Variants in SBF2 observed in about 807,000 individuals in gnomAD.
The protein encoded by SBF2 is SET binding factor 2.
In SBF2, 112 loss-of-function variants were observed where a neutral mutation model predicts 225.2. The observed-to-expected ratio is 0.50, with a 90% CI of 0.43 to 0.58. The LOEUF is 0.58. Ranked by LOEUF, SBF2 falls within the 20% of genes least tolerant of loss-of-function variation. The pLI is 0.00. For synonymous variants in SBF2, 763 were observed against 773.3 expected (o/e 0.99, Z 0.22); for missense variants, 1,996 against 2,206.2 (o/e 0.90, Z 1.91).
intron 1 of SBF2, among the ~76,000 whole-genome samples, chr11:10,223,092 C>T (rs1958398860): frequency 6.6e-6 from 1 of 151,906 alleles, no homozygotes; most frequent in Non-Finnish European, 1.5e-5. Flanking sequence ...TAAAAAGTAA[C>T]TCAGTAGAAA....
intron 21 of SBF2, among the ~76,000 whole-genome samples, chr11:9,851,135 C>CAAAAAAAA (rs773210379): frequency 5.5e-5 from 4 of 72,462 alleles, no homozygotes; most frequent in Non-Finnish European, 1.1e-4. Context: ...GACTCCATCT[C>CAAAAAAAA]AAAAAAAAAA....
chr11:9,962,158 C>G, intron 15 of SBF2, 52 bp from the exon 16 acceptor site: 2 of 1,543,302 alleles, frequency 1.3e-6, no homozygotes, highest in African/African-American at 1.4e-5. Flanking sequence ...GGGGAAACAA[C>G]AACTTTCAAA....
intron 13 of SBF2, among the ~76,000 whole-genome samples, chr11:9,987,319 T>C (rs1704158509): frequency 6.6e-6 from 1 of 152,108 alleles, no homozygotes; most frequent in South Asian, 2.1e-4. Context: ...GTCACCATAA[T>C]ACTGAATTGG....
upstream of SBF2, among the ~76,000 whole-genome samples, chr11:10,297,309 C>T (rs1315718664): frequency 6.6e-6 from 1 of 152,090 alleles, no homozygotes; most frequent in Non-Finnish European, 1.5e-5. Flanking sequence ...ATCCTCCCAC[C>T]TAGCCCTCCC....
chr11:9,963,347 C>A (rs1866701049), intron 15 of SBF2, among the ~76,000 whole-genome samples: 2 of 152,088 alleles, frequency 1.3e-5, no homozygotes, highest in Non-Finnish European at 2.9e-5. Flanking sequence ...TGCCTGTAGT[C>A]CCAGCTACTT....
chr11:10,179,959 T>G (rs559060463), intron 2 of SBF2, among the ~76,000 whole-genome samples: 5 of 152,310 alleles, frequency 3.3e-5, no homozygotes, highest in Non-Finnish European at 5.9e-5. Context: ...TAACACTAAT[T>G]GCATAAAAGC....
chr11:10,156,010 G>A (rs1026915717), intron 2 of SBF2, among the ~76,000 whole-genome samples: 10 of 152,142 alleles, frequency 6.6e-5, no homozygotes, highest in Non-Finnish European at 1.0e-4. Flanking sequence ...ACCAAGTCCC[G>A]TGCTACCAGG....
intron 2 of SBF2, among the ~76,000 whole-genome samples, chr11:10,158,205 T>G (rs1955563582): frequency 6.6e-6 from 1 of 152,082 alleles, no homozygotes; most frequent in East Asian, 1.9e-4. Context: ...AGAGGAAAGT[T>G]TATAGTAATA....
At chr11:10,139,363 T>A (rs1219314939) in intron 2 of SBF2, among the ~76,000 whole-genome samples, 1 of 152,184 alleles carries the variant, frequency 6.6e-6, no homozygotes, top group Admixed American at 6.5e-5. Flanking sequence ...CAAAAGCATT[T>A]TCTGTAATGA....
At chr11:9,800,658 C>T (rs1383388133) in intron 32 of SBF2, among the ~76,000 whole-genome samples, 4 of 152,092 alleles carry the variant, frequency 2.6e-5, no homozygotes, top group African/African-American at 4.8e-5. Context: ...CTGCCTGTCT[C>T]GGCTTCCCAA....
At chr11:10,250,857 A>G (rs2135485785) in intron 1 of SBF2, among the ~76,000 whole-genome samples, 1 of 152,306 alleles carries the variant, frequency 6.6e-6, no homozygotes, top group Non-Finnish European at 1.5e-5. Context: ...GGGTCCCTCC[A>G]CACTCTTGGA....
At chr11:9,897,511 C>T (rs905428187) in intron 16 of SBF2, among the ~76,000 whole-genome samples, 1 of 152,092 alleles carries the variant, frequency 6.6e-6, no homozygotes, top group African/African-American at 2.4e-5. Flanking sequence ...CCATGCCCGG[C>T]GGATAGATAT....
intron 16 of SBF2, among the ~76,000 whole-genome samples, chr11:9,936,290 A>C (rs2134277401): frequency 6.6e-6 from 1 of 152,326 alleles, no homozygotes; most frequent in African/African-American, 2.4e-5. Flanking sequence ...GATCTTTAAA[A>C]AGTCAGGAAA....
At chr11:9,975,915 G>A (rs548926127) in intron 13 of SBF2, among the ~76,000 whole-genome samples, 45 of 152,070 alleles carry the variant, frequency 3.0e-4, no homozygotes, top group African/African-American at 9.4e-4. Context: ...AACATTTTGC[G>A]GAAATGTAAA....
chr11:9,783,996 G>T (rs112164890), intron 38 of SBF2, among the ~76,000 whole-genome samples: 1,909 of 152,296 alleles, frequency 0.013, 14 homozygotes, highest in Non-Finnish European at 0.02. Flanking sequence ...TGTGCATGTG[G>T]TATGTATGCA....
chr11:9,923,246 T>C (rs1274530857), intron 16 of SBF2, among the ~76,000 whole-genome samples: 1 of 152,184 alleles, frequency 6.6e-6, no homozygotes, highest in African/African-American at 2.4e-5. Flanking sequence ...GATCTCTCCC[T>C]TGTTAATTGG....
intron 1 of SBF2, among the ~76,000 whole-genome samples, chr11:10,277,199 C>G (rs527328971): frequency 1.3e-5 from 2 of 148,844 alleles, no homozygotes; most frequent in African/African-American, 4.9e-5. Context: ...GCGGGCAGAT[C>G]GCTTGAGCCC....
chr11:10,136,823 TTTA>T (rs1399961328), intron 2 of SBF2, among the ~76,000 whole-genome samples: 5 of 152,256 alleles, frequency 3.3e-5, no homozygotes, highest in African/African-American at 1.2e-4. Context: ...CTGTTTTTCT[TTTA>T]TTATCTTTCT....
At chr11:10,261,284 C>T (rs1035436243) in intron 1 of SBF2, among the ~76,000 whole-genome samples, 5 of 152,206 alleles carry the variant, frequency 3.3e-5, no homozygotes, top group African/African-American at 1.2e-4. Context: ...CTCACTGCAA[C>T]CTCCACCTCC....
Sources: gnomAD v4.1 joint callset for allele counts (sites outside exome capture counted in the v4.1 genomes callset) on GRCh38, gnomAD v4.1.1 for gene constraint, MANE v1.5 for transcripts, NCBI Gene and HGNC (gene_info 2026-07-23, HGNC 2026-07-21) for gene names.